The following C8orf34 variants were observed in gnomAD, a reference collection of about 807,000 sequenced individuals.
The protein encoded by C8orf34 is uncharacterized protein C8orf34.
Under a neutral mutation model 68.3 loss-of-function variants are expected in C8orf34, and 65 were observed. The observed-to-expected ratio is 0.95, with a 90% CI of 0.78 to 1.17. The LOEUF (loss-of-function observed/expected upper bound fraction) is 1.17, where lower values mean the gene tolerates loss of function less well. Ranked by LOEUF, C8orf34 falls within the 50% of genes most tolerant of loss-of-function variation. C8orf34 has a pLI of 0.00. For missense variants in C8orf34, 664 were observed against 655.4 expected, an observed-to-expected ratio of 1.01 and a Z score of -0.14; for synonymous variants, 244 against 241.2, an observed-to-expected ratio of 1.01 and a Z score of -0.11.
At chr8:68,706,126 G>T (rs1165854336) in intron 8 of C8orf34, among the ~76,000 whole-genome samples, 1 of 152,180 alleles carries the variant, frequency 6.6e-6, no homozygotes, top group African/African-American at 2.4e-5. Context: ...TTTAAAGTTA[G>T]AGACCACTGA....
chr8:68,444,748 C>T (rs1473685252), intron 2 of C8orf34, among the ~76,000 whole-genome samples: 1 of 152,066 alleles, frequency 6.6e-6, no homozygotes, highest in Non-Finnish European at 1.5e-5. Flanking sequence ...AATATCATTG[C>T]TAAATTATTT....
chr8:68,608,281 T>A (rs987588410), intron 7 of C8orf34, among the ~76,000 whole-genome samples: 2 of 151,392 alleles, frequency 1.3e-5, no homozygotes, highest in Non-Finnish European at 2.9e-5. Flanking sequence ...TATGTAGAGA[T>A]GAAGGCTGTG....
intron 8 of C8orf34, among the ~76,000 whole-genome samples, chr8:68,652,818 G>T (rs565144176): frequency 6.6e-6 from 1 of 152,086 alleles, no homozygotes; most frequent in Non-Finnish European, 1.5e-5. Flanking sequence ...GTTCCTACTA[G>T]CAAAAATGTA....
At position 68,794,762 on chromosome 8, in the gene C8orf34, C is replaced by T. The variant is rs184269654; in HGVS notation, c.1549+7226C>T. ...TCAGCTTCCCAAAGTGCTAGGATTACAGACATGAGCCACATGCCTAGCCAG... is the reference window on the plus strand; with the variant it reads ...TCAGCTTCCCAAAGTGCTAGGATTATAGACATGAGCCACATGCCTAGCCAG... On this transcript the variant is annotated intron_variant, in intron 12 of 13. Transcript: ENST00000518698. Among the ~76,000 whole-genome samples the T allele has an allele frequency of 2.3e-3, 347 of 151,834 alleles. 3 individuals are homozygous for T. The highest frequency in any genetic ancestry group is 0.017 in the Middle Eastern group (5 of 292).
intron 5 of C8orf34, among the ~76,000 whole-genome samples, chr8:68,510,372 G>A (rs1301278361): frequency 6.6e-6 from 1 of 152,086 alleles, no homozygotes; most frequent in Non-Finnish European, 1.5e-5. Flanking sequence ...CTGAGGGATA[G>A]GCATCCTATT....
chr8:68,613,639 A>G (rs1177142303), intron 7 of C8orf34, among the ~76,000 whole-genome samples: 3 of 151,696 alleles, frequency 2.0e-5, no homozygotes, highest in African/African-American at 7.3e-5. Flanking sequence ...TTATGGCTGC[A>G]TAGTATTCCA....
intron 1 of C8orf34, among the ~76,000 whole-genome samples, chr8:68,380,693 C>T (rs1444631004): frequency 6.6e-6 from 1 of 152,196 alleles, no homozygotes; most frequent in Non-Finnish European, 1.5e-5. Flanking sequence ...TTCAATTGTA[C>T]AACTTGGTAG....
At chr8:68,417,608 A>G (rs1298351199) in intron 1 of C8orf34, among the ~76,000 whole-genome samples, 1 of 152,182 alleles carries the variant, frequency 6.6e-6, no homozygotes, top group Non-Finnish European at 1.5e-5. Flanking sequence ...TTTATAAATA[A>G]TACTGGAAGA....
chr8:68,437,255 A>T (rs1028721752), intron 1 of C8orf34, among the ~76,000 whole-genome samples: 6 of 152,224 alleles, frequency 3.9e-5, no homozygotes, highest in Non-Finnish European at 7.3e-5. Context: ...ATGTAGGAAT[A>T]CTTCAGTTTA....
At chr8:68,613,053 G>A (rs1818069870) in intron 7 of C8orf34, among the ~76,000 whole-genome samples, 1 of 152,070 alleles carries the variant, frequency 6.6e-6, no homozygotes, top group Non-Finnish European at 1.5e-5. Context: ...ACAAAGTATG[G>A]CTATTTTCTC....
chr8:68,771,866 G>T (rs567281053), intron 10 of C8orf34, among the ~76,000 whole-genome samples: 1 of 152,132 alleles, frequency 6.6e-6, no homozygotes, highest in South Asian at 2.1e-4. Context: ...CTTTTGCTTT[G>T]TATTCTAATC....
intron 3 of C8orf34, among the ~76,000 whole-genome samples, chr8:68,452,314 G>A (rs996249011): frequency 4.6e-5 from 7 of 150,776 alleles, no homozygotes; most frequent in East Asian, 1.9e-4. Context: ...GTGTAACTTC[G>A]AGGAGCTGCC....
intron 1 of C8orf34, among the ~76,000 whole-genome samples, chr8:68,407,178 C>T (rs968685486): frequency 6.6e-6 from 1 of 151,890 alleles, no homozygotes; most frequent in Non-Finnish European, 1.5e-5. Context: ...CATTTCACCA[C>T]ATTTTCATAT....
upstream of C8orf34, chr8:68,330,817 G>T: frequency 2.0e-6 from 1 of 494,624 alleles, no homozygotes; most frequent in Non-Finnish European, 3.5e-6. Flanking sequence ...ACGCACGCAC[G>T]CACACACACC....
chr8:68,421,757 C>G (rs1050024858), intron 1 of C8orf34, among the ~76,000 whole-genome samples: 1 of 152,096 alleles, frequency 6.6e-6, no homozygotes, highest in African/African-American at 2.4e-5. Context: ...TTGTATTGGT[C>G]TGTTCTCATA....
rs527633659 is a variant in C8orf34, at chr8:68,551,999, T to G, written c.1105+18850T>G. 3.2e-3 allele frequency among the ~76,000 whole-genome samples: 489 copies of G among 152,274 alleles called. 3 individuals are homozygous for G. The highest frequency in any genetic ancestry group is 6.8e-3 in the Middle Eastern group (2 of 294). On this transcript the variant is annotated intron_variant, in intron 7 of 13. Transcript: ENST00000518698. Reference sequence around the variant, plus strand: ...TTGTCAAAAGATGAATTTTTTCCATTGAATTTGCTTGGTATTCTTGTTGAA... The same window carrying G: ...TTGTCAAAAGATGAATTTTTTCCATGGAATTTGCTTGGTATTCTTGTTGAA...
chr8:68,427,145 A>C (rs1435535407), intron 1 of C8orf34, among the ~76,000 whole-genome samples: 2 of 152,170 alleles, frequency 1.3e-5, no homozygotes, highest in Non-Finnish European at 2.9e-5. Flanking sequence ...TTTTAAAACT[A>C]AAAATGGCCC....
intron 3 of C8orf34, among the ~76,000 whole-genome samples, chr8:68,460,497 G>C (rs1206305242): frequency 6.6e-6 from 1 of 152,166 alleles, no homozygotes; most frequent in Non-Finnish European, 1.5e-5. Context: ...CCTCAAGTGG[G>C]TCCCTGACCC....
chr8:68,761,181 A>G (rs4336597), intron 10 of C8orf34, among the ~76,000 whole-genome samples: 45,829 of 152,082 alleles, frequency 0.3, 7,620 homozygotes, highest in African/African-American at 0.44. Context: ...GAAACAAGGG[A>G]CAATCTAATT....
Sources: allele counts gnomAD v4.1 joint callset (sites outside exome capture counted in the v4.1 genomes callset), GRCh38; gene constraint gnomAD v4.1.1; transcripts MANE v1.5; gene names NCBI Gene and HGNC (gene_info 2026-07-23, HGNC 2026-07-21).